The following ANXA8 variants were observed in gnomAD, a reference collection of about 807,000 sequenced individuals.
ANXA8 encodes VAC-beta.
Under a neutral mutation model 26.8 loss-of-function variants are expected in ANXA8, and 9 were observed. The ratio of observed to expected loss-of-function variants is 0.34; its 90% CI spans 0.20 to 0.59. The LOEUF is 0.59. ANXA8 is among the 20% of genes least tolerant of loss of function. The pLI is 0.84. For synonymous variants in ANXA8, 39 were observed against 94.8 expected (o/e 0.41, Z 3.42); for missense variants, 83 against 238.5 (o/e 0.35, Z 4.29).
chr10:47,502,991 C>T, the ANXA8 span: 53,449 of 1,407,844 alleles, frequency 0.038, 15,693 homozygotes, highest in East Asian at 0.3. Context: ...CTGGAGATAC[C>T]GGGGCTGAAG....
chr10:47,491,727 C>T, the ANXA8 span: 1 of 1,545,444 alleles, frequency 6.5e-7, no homozygotes, highest in Non-Finnish European at 8.7e-7. Context: ...GCCCAACATG[C>T]TTTTATAGCT....
At chr10:47,560,978 AT>A in the ANXA8 span, among the ~76,000 whole-genome samples, 1 of 150,460 alleles carries the variant, frequency 6.6e-6, no homozygotes, top group South Asian at 2.1e-4. Flanking sequence ...ACCCAACTCA[AT>A]TTTTTTTAAG....
At chr10:47,668,702 G>C in the ANXA8 span, among the ~76,000 whole-genome samples, 2 of 150,936 alleles carry the variant, frequency 1.3e-5, no homozygotes, top group Non-Finnish European at 2.9e-5. Context: ...TTTCCTCCAA[G>C]TTCCTTTTCT....
chr10:47,956,677 G>A, the ANXA8 span, among the ~76,000 whole-genome samples: 1 of 150,782 alleles, frequency 6.6e-6, no homozygotes, highest in Non-Finnish European at 1.5e-5. Context: ...TTGCTCTCTG[G>A]GGACCAGCTT....
At chr10:47,682,469 CTTTTTTT>C in the ANXA8 span, among the ~76,000 whole-genome samples, 8 of 121,622 alleles carry the variant, frequency 6.6e-5, no homozygotes, top group South Asian at 2.5e-4. Flanking sequence ...CTTTCTTTTT[CTTTTTTT>C]TTTTTTTTTT....
At chr10:47,766,405 G>GAAGATAA in the ANXA8 span, among the ~76,000 whole-genome samples, 147 of 14,064 alleles carry the variant, frequency 0.01, 2 homozygotes, top group African/African-American at 0.045. Context: ...TCCTCCACGG[G>GAAGATAA]AAGATAAAAG....
upstream of ANXA8, among the ~76,000 whole-genome samples, chr10:47,488,215 T>C (rs1840080346): frequency 7.5e-6 from 1 of 133,930 alleles, no homozygotes; most frequent in Admixed American, 7.7e-5. Context: ...AGTTTATGGT[T>C]TGTTTTTGTT....
At chr10:47,681,831 G>A in the ANXA8 span, among the ~76,000 whole-genome samples, 9 of 121,310 alleles carry the variant, frequency 7.4e-5, no homozygotes, top group East Asian at 7.2e-4. Context: ...TTGAGCCACC[G>A]TGCGTGGCCA....
the ANXA8 span, among the ~76,000 whole-genome samples, chr10:47,686,139 G>A: frequency 2.6e-5 from 4 of 151,518 alleles, no homozygotes; most frequent in African/African-American, 9.7e-5. Context: ...CAGATAATGG[G>A]CAGTTCCACA....
chr10:47,632,131 G>T, the ANXA8 span, among the ~76,000 whole-genome samples: 15 of 152,292 alleles, frequency 9.8e-5, no homozygotes, highest in Middle Eastern at 3.4e-3. Context: ...TTACATCCGG[G>T]TTAAATTTTA....
the ANXA8 span, among the ~76,000 whole-genome samples, chr10:47,941,604 C>T: frequency 4.3e-4 from 63 of 146,674 alleles, 2 homozygotes; most frequent in Admixed American, 3.8e-3. Context: ...GATTGCTTCA[C>T]GGCACTCCAG....
chr10:47,943,408 C>G, the ANXA8 span, among the ~76,000 whole-genome samples: 1 of 146,710 alleles, frequency 6.8e-6, no homozygotes, highest in Non-Finnish European at 1.5e-5. Flanking sequence ...GGAGGTTGGG[C>G]AGTCAGACAC....
the ANXA8 span, among the ~76,000 whole-genome samples, chr10:47,655,875 C>G: frequency 1.3e-5 from 2 of 151,802 alleles, no homozygotes; most frequent in African/African-American, 4.9e-5. Flanking sequence ...ACAAAATTAG[C>G]TGGGCATGGT....
chr10:47,498,166 T>G, the ANXA8 span, among the ~76,000 whole-genome samples: 1 of 150,300 alleles, frequency 6.7e-6, no homozygotes, highest in African/African-American at 2.4e-5. Flanking sequence ...CCCTTCCCCA[T>G]GTCCCTGGCA....
At chr10:47,898,796 A>G in the ANXA8 span, among the ~76,000 whole-genome samples, 1 of 101,238 alleles carries the variant, frequency 9.9e-6, no homozygotes, top group Non-Finnish European at 1.9e-5. Context: ...ATATTCTGCT[A>G]TAGAAAGAGA....
chr10:47,554,110 A>AAATAAATAAATAAAT, the ANXA8 span, among the ~76,000 whole-genome samples: 3 of 129,906 alleles, frequency 2.3e-5, no homozygotes, highest in South Asian at 5.5e-4. Flanking sequence ...CATCTCTCAA[A>AAATAAATAAATAAAT]AAATAAATAA....
chr10:47,663,390 A>AT, the ANXA8 span, among the ~76,000 whole-genome samples: 75 of 120,962 alleles, frequency 6.2e-4, 3 homozygotes, highest in South Asian at 5.5e-3. Context: ...GTTAAAAAAA[A>AT]TTTTTTTTTT....
At chr10:47,976,953 A>G in the ANXA8 span, among the ~76,000 whole-genome samples, 3 of 67,182 alleles carry the variant, frequency 4.5e-5, no homozygotes, top group Non-Finnish European at 1.1e-4. Flanking sequence ...ATTCTTAAGA[A>G]CCTAGAAGGC....
the ANXA8 span, among the ~76,000 whole-genome samples, chr10:47,769,303 C>T: frequency 6.6e-6 from 1 of 150,682 alleles, no homozygotes; most frequent in African/African-American, 2.5e-5. Context: ...AAATCCCCTT[C>T]CTTTCCTCTG....
Sources: gnomAD v4.1 joint callset for allele counts (sites outside exome capture counted in the v4.1 genomes callset) on GRCh38, gnomAD v4.1.1 for gene constraint, MANE v1.5 for transcripts, NCBI Gene and HGNC (gene_info 2026-07-23, HGNC 2026-07-21) for gene names.